The following B4GALT7 variants were observed in gnomAD, a reference collection of about 807,000 sequenced individuals.
The protein encoded by B4GALT7 is UDP-Gal:beta-GlcNAc beta-1,4-galactosyltransferase 7.
Under a neutral mutation model 33.0 loss-of-function variants are expected in B4GALT7, and 30 were observed. The observed-to-expected ratio is 0.91, with a 90% confidence interval of 0.68 to 1.23. The LOEUF is 1.23. B4GALT7 is among the 50% of genes most tolerant of loss of function. B4GALT7 has a pLI of 0.00. For missense variants in B4GALT7, 507 were observed against 450.8 expected, an observed-to-expected ratio of 1.12 and a Z score of -1.13; for synonymous variants, 213 against 187.2, an observed-to-expected ratio of 1.14 and a Z score of -1.13.
In B4GALT7 at chr5:177,607,467, CTA is replaced by C; in HGVS notation, c.580_581del (p.Tyr194ProfsTer42). On this transcript the variant is annotated frameshift_variant, in exon 3 of 6. Transcript: ENST00000029410. LOFTEE classifies it high-confidence loss of function. ...TGGCCTCCCCGGAGCTCCACCCTCT[CTA>C]CCACTACAAGACCTATGTCGGCGGC... Reference protein sequence around the residue: ...HVASPELHPLYHYKTYVGGIL... With the variant: ...HVASPELHPLXHYKTYVGGIL... The C allele has an allele frequency of 6.2e-7, 1 of 1,613,798 alleles. No individual in the cohort carries two copies. Among genetic ancestry groups the C allele is most frequent in the Non-Finnish European group, 8.5e-7 (1 of 1,180,050 alleles).
Position 177,608,248 on chromosome 5 carries a change from G to T in B4GALT7, c.640-291G>T, listed in dbSNP as rs570230086. On this transcript the variant is annotated intron_variant, in intron 3 of 5. Coordinates refer to ENST00000029410, the MANE Select transcript of B4GALT7 (RefSeq NM_007255.3). The surrounding 1 kb of genome is among the most constrained non-coding windows in gnomAD (Gnocchi z 4.1). Reference sequence around the variant, plus strand: ...GGGGAATGGGGGAAGCAGAAATCAAGTAGGAGCTGGCGCTTCTGCCCATCG... The same window carrying T: ...GGGGAATGGGGGAAGCAGAAATCAATTAGGAGCTGGCGCTTCTGCCCATCG... 1.9e-5 allele frequency: 9 copies of T among 468,474 alleles called. No homozygotes were observed. The highest frequency in any genetic ancestry group is 1.8e-4 in the African/African-American group (9 of 50,868). The allele number at this position is 468,474 out of a possible 1,614,324, so 29.0% of individuals were successfully genotyped here. A position where few individuals can be genotyped will look rare whatever the true frequency, so the allele number is the denominator to read the frequency against.
chr5:177,607,408 G>A lies in B4GALT7; in HGVS notation c.520G>A (p.Asp174Asn). 6.2e-7 allele frequency: 1 copy of A among 1,614,086 alleles called. No individual in the cohort carries two copies. The highest frequency in any genetic ancestry group is 8.5e-7 in the Non-Finnish European group (1 of 1,180,036). ...CCTGCTCCCTCTCAACGAGGAGCTGGACTATGGCTTTCCTGAGGCTGGGCC... is the reference window on the plus strand; with the variant it reads ...CCTGCTCCCTCTCAACGAGGAGCTGAACTATGGCTTTCCTGAGGCTGGGCC... Reference protein sequence around the residue: ...VDLLPLNEELDYGFPEAGPFH... With the variant: ...VDLLPLNEELNYGFPEAGPFH... Residue 174 changes from aspartate (D) to asparagine (N), a missense_variant, in exon 3 of 6, where the codon GAC (aspartate) becomes AAC (asparagine). Transcript: ENST00000029410.
intron 2 of B4GALT7, chr5:177,605,240 C>T (rs1236094932): frequency 2.9e-6 from 1 of 342,706 alleles, no homozygotes; most frequent in Admixed American, 4.0e-5. Flanking sequence ...GCCTCTGGTC[C>T]CTTGCTGCTG....
rs561872800 is a variant in B4GALT7, at chr5:177,609,626, C to A, written c.915C>A (p.Ala305=). The A allele has an allele frequency of 3.1e-6, 5 of 1,613,992 alleles. No individual in the cohort carries two copies. The highest frequency in any genetic ancestry group is 4.2e-6 in the Non-Finnish European group (5 of 1,180,026). ...ASRTALSVGG[A]PCTVLNIMLD... ...GCACTGCCCTGTCTGTGGGCGGGGC[C>A]CCCTGCACTGTCCTCAACATCATGT... Residue 305 remains alanine, a synonymous_variant, in exon 6 of 6, where the codon GCC becomes GCA. Coordinates refer to ENST00000029410, the MANE Select transcript of B4GALT7 (RefSeq NM_007255.3).
chr5:177,608,049 A>G lies in B4GALT7; in HGVS notation c.640-490A>G. The G allele has an allele frequency of 4.3e-6, 1 of 234,000 alleles. No homozygotes were observed. Among genetic ancestry groups the G allele is most frequent in the Non-Finnish European group, 8.5e-6 (1 of 117,032 alleles). The allele number at this position is 234,000 out of a possible 1,614,324, so 14.5% of individuals were successfully genotyped here. A position where few individuals can be genotyped will look rare whatever the true frequency, so the allele number is the denominator to read the frequency against. ...GTCACTGGCTGGTGGACGGGCAGGC[A>G]GGAAGAAGCACTTGTGGCTCAGGCC... is the stretch of plus-strand genomic sequence containing the variant. On this transcript the variant is annotated intron_variant, in intron 3 of 5. Coordinates refer to ENST00000029410, the MANE Select transcript of B4GALT7 (RefSeq NM_007255.3). The surrounding 1 kb of genome is among the most constrained non-coding windows in gnomAD (Gnocchi z 4.1).
At chr5:177,607,896 C>G (rs1561815729) in intron 3 of B4GALT7, 1 of 349,554 alleles carries the variant, frequency 2.9e-6, no homozygotes, top group Non-Finnish European at 5.5e-6. Flanking sequence ...TTACTGCAGT[C>G]TGTATCCATC....
At position 177,608,862 on chromosome 5, in the gene B4GALT7, G is replaced by A; in HGVS notation, c.724-48G>A. ...CCTCGGGAGCTGGTGGTGAGGGCTG[G>A]GGCTCCAGGAAGGGCAGCCTGACCC... On this transcript the variant is annotated intron_variant, in intron 4 of 5. Coordinates refer to ENST00000029410, the MANE Select transcript of B4GALT7 (RefSeq NM_007255.3). This position sits in a 1 kb window ranked among gnomAD's most constrained non-coding sequence, Gnocchi z 4.1. 1 of 1,519,354 alleles carries A rather than the reference G, an allele frequency of 6.6e-7. No individual in the cohort carries two copies. Among genetic ancestry groups the A allele is most frequent in the Non-Finnish European group, 9.1e-7 (1 of 1,096,342 alleles). The allele number at this position is 1,519,354 out of a possible 1,614,324, so 94.1% of individuals were successfully genotyped here. A position where few individuals can be genotyped will look rare whatever the true frequency, so the allele number is the denominator to read the frequency against.
chr5:177,601,911 A>G (rs899030733), intron 1 of B4GALT7, among the ~76,000 whole-genome samples: 14 of 152,190 alleles, frequency 9.2e-5, no homozygotes, highest in Admixed American at 9.2e-4. Context: ...GATGATGCCC[A>G]TGGGGATGTG....
At position 177,608,559 on chromosome 5, in the gene B4GALT7, C is replaced by A; in HGVS notation, c.660C>A (p.Arg220=). 1 of 1,613,962 alleles carries A rather than the reference C, an allele frequency of 6.2e-7. No homozygotes were observed. Among genetic ancestry groups the A allele is most frequent in the Non-Finnish European group, 8.5e-7 (1 of 1,179,990 alleles). Residue 220 remains arginine (R), a synonymous_variant, in exon 4 of 6, where the codon CGC becomes CGA. Coordinates refer to ENST00000029410, the MANE Select transcript of B4GALT7 (RefSeq NM_007255.3). The surrounding 1 kb of genome is among the most constrained non-coding windows in gnomAD (Gnocchi z 4.1). ...GTCAGTGCAATGGGATGTCCAACCGCTTCTGGGGCTGGGGCCGCGAGGACG... is the reference window on the plus strand; with the variant it reads ...GTCAGTGCAATGGGATGTCCAACCGATTCTGGGGCTGGGGCCGCGAGGACG... ...HYRLCNGMSN[R]FWGWGREDDE...
In B4GALT7 at chr5:177,608,916, C is replaced by T. The variant is rs1199510691; in HGVS notation, c.730C>T (p.Arg244Cys). Reference protein sequence around the residue: ...RIKGAGLQLFRPSGITTGYKT... With the variant: ...RIKGAGLQLFCPSGITTGYKT... ...CTTCCTTGGACCTCCCTAGCTTTTC[C>T]GCCCCTCGGGAATCACAACTGGGTA... The change falls in exon 5 of 6, where the codon CGC becomes TGC. Residue 244 changes from arginine (R) to cysteine (C), a missense_variant. Arg to Cys is a radical substitution (Grantham distance 180). Transcript: ENST00000029410. This position sits in a 1 kb window ranked among gnomAD's most constrained non-coding sequence, Gnocchi z 4.1. 12 of 1,613,478 alleles carry T rather than the reference C, an allele frequency of 7.4e-6. No individual in the cohort carries two copies. The African/African-American group carries it at 9.3e-5, about 13-fold the overall frequency.
Position 177,609,945 on chromosome 5 carries a change from C to T in B4GALT7, c.*250C>T, listed in dbSNP as rs1228709893. The T allele has an allele frequency of 1.8e-6, 1 of 560,542 alleles. No individual in the cohort carries two copies. The highest frequency in any genetic ancestry group is 3.0e-5 in the Admixed American group (1 of 32,868). The allele number at this position is 560,542 out of a possible 1,614,324, so 34.7% of individuals were successfully genotyped here. A position where few individuals can be genotyped will look rare whatever the true frequency, so the allele number is the denominator to read the frequency against. On this transcript the variant is annotated 3_prime_UTR_variant, in exon 6 of 6. Transcript: ENST00000029410. ...TGGGGTGTGTCCTGTCCGGGACCCC[C>T]CCTGCCTTCCTGCTCACCCTACTCT...
chr5:177,601,044 C>T (rs188649223), intron 1 of B4GALT7, among the ~76,000 whole-genome samples: 31 of 152,292 alleles, frequency 2.0e-4, no homozygotes, highest in African/African-American at 7.0e-4. Flanking sequence ...AGTCTTCTCA[C>T]AGAACACATG....
Position 177,609,887 on chromosome 5 carries a change from G to C in B4GALT7, c.*192G>C. The C allele has an allele frequency of 1.5e-6, 1 of 688,036 alleles. No homozygotes were observed. Among genetic ancestry groups the C allele is most frequent in the Non-Finnish European group, 2.5e-6 (1 of 402,928 alleles). 42.6% of individuals were successfully genotyped at this position (688,036 alleles called of 1,614,324 possible). A position where few individuals can be genotyped will look rare whatever the true frequency, so the allele number is the denominator to read the frequency against. On this transcript the variant is annotated 3_prime_UTR_variant, in exon 6 of 6. Transcript: ENST00000029410. ...CCAGGACACGTGGGGTGCCTGGGAC[G>C]CTGCTTGCCATGCACAGTGATCAGA...
At chr5:177,607,280 C>A in intron 2 of B4GALT7, 22 bp from the exon 3 acceptor site, 1 of 1,581,242 alleles carries the variant, frequency 6.3e-7, no homozygotes, top group Non-Finnish European at 8.6e-7. Flanking sequence ...TGCCCCTGCC[C>A]AGCCTTGCCC....
At position 177,608,828 on chromosome 5, in the gene B4GALT7, C is replaced by A; in HGVS notation, c.724-82C>A. On this transcript the variant is annotated intron_variant, in intron 4 of 5. Coordinates refer to ENST00000029410, the MANE Select transcript of B4GALT7 (RefSeq NM_007255.3). This position sits in a 1 kb window ranked among gnomAD's most constrained non-coding sequence, Gnocchi z 4.1. Reference sequence around the variant, plus strand: ...TGCAGGCTGGGAGTGCAGGTCCCTTCCTGTGGGACCTCGGGAGCTGGTGGT... The same window carrying A: ...TGCAGGCTGGGAGTGCAGGTCCCTTACTGTGGGACCTCGGGAGCTGGTGGT... 1 of 1,302,878 alleles carries A rather than the reference C, an allele frequency of 7.7e-7. No homozygotes were observed. Among genetic ancestry groups the A allele is most frequent in the Non-Finnish European group, 1.1e-6 (1 of 902,578 alleles). The allele number at this position is 1,302,878 out of a possible 1,614,324, so 80.7% of individuals were successfully genotyped here.
At chr5:177,609,075 G>C (rs554852109) in intron 5 of B4GALT7, 61 bp downstream of exon 5, 1 of 1,468,408 alleles carries the variant, frequency 6.8e-7, no homozygotes, top group African/African-American at 1.4e-5. Context: ...CAGCAGGCCC[G>C]GGCTTTCACC....
Position 177,608,577 on chromosome 5 carries a change from C to G in B4GALT7, c.678C>G (p.Arg226=), listed in dbSNP as rs139816846. The G allele has an allele frequency of 1.9e-6, 3 of 1,613,744 alleles. No homozygotes were observed. Among genetic ancestry groups the G allele is most frequent in the Non-Finnish European group, 2.5e-6 (3 of 1,180,010 alleles). Residue 226 remains arginine, a synonymous_variant, in exon 4 of 6, where the codon CGC becomes CGG. Coordinates refer to ENST00000029410, the MANE Select transcript of B4GALT7 (RefSeq NM_007255.3). The surrounding 1 kb of genome is among the most constrained non-coding windows in gnomAD (Gnocchi z 4.1). The part of the protein sequence containing the change: ...GMSNRFWGWG[R]EDDEFYRRIK... ...CCAACCGCTTCTGGGGCTGGGGCCG[C>G]GAGGACGACGAGTTCTACCGGCGCA...
At position 177,606,826 on chromosome 5, in the gene B4GALT7, C is replaced by A; in HGVS notation, c.414-476C>A. ...GCTCCTGCCTCCTGCCGTGGCAGTG[C>A]CATCTCTCCTATGCAGAGCCCTAGG... On this transcript the variant is annotated intron_variant, in intron 2 of 5. Coordinates refer to ENST00000029410, the MANE Select transcript of B4GALT7 (RefSeq NM_007255.3). This position sits in a 1 kb window ranked among gnomAD's most constrained non-coding sequence, Gnocchi z 4.2. 4.3e-6 allele frequency: 1 copy of A among 234,532 alleles called. No individual in the cohort carries two copies. The highest frequency in any genetic ancestry group is 5.8e-5 in the South Asian group (1 of 17,228). 14.5% of individuals were successfully genotyped at this position (234,532 alleles called of 1,614,324 possible). A position where few individuals can be genotyped will look rare whatever the true frequency, so the allele number is the denominator to read the frequency against.
In B4GALT7 at chr5:177,608,874, G is replaced by A; in HGVS notation, c.724-36G>A. On this transcript the variant is annotated intron_variant, in intron 4 of 5. Transcript: ENST00000029410. The surrounding 1 kb of genome is among the most constrained non-coding windows in gnomAD (Gnocchi z 4.1). ...GTGGTGAGGGCTGGGGCTCCAGGAA[G>A]GGCAGCCTGACCCCGACTTCCTTGG... 1 of 1,568,304 alleles carries A rather than the reference G, an allele frequency of 6.4e-7. No individual in the cohort carries two copies. The highest frequency in any genetic ancestry group is 8.8e-7 in the Non-Finnish European group (1 of 1,140,056).
Sources: gnomAD v4.1 joint callset for allele counts (sites outside exome capture counted in the v4.1 genomes callset) on GRCh38, gnomAD v4.1.1 for gene constraint, Gnocchi (gnomAD v3.1) non-coding constraint, MANE v1.5 for transcripts, NCBI Gene and HGNC (gene_info 2026-07-23, HGNC 2026-07-21) for gene names.